Variants in GON4L observed in about 807,000 individuals in gnomAD.
GON4L encodes the protein GON-4-like protein.
Under a neutral mutation model 211.8 loss-of-function variants are expected in GON4L, and 87 were observed. That is an observed-to-expected ratio of 0.41 (90% confidence interval 0.35 to 0.49). GON4L has a LOEUF of 0.49. Ranked by LOEUF, GON4L falls within the 20% of genes least tolerant of loss-of-function variation. The pLI is 0.15. For missense variants in GON4L, 2,155 were observed against 2,659.5 expected, an observed-to-expected ratio of 0.81 and a Z score of 4.17; for synonymous variants, 875 against 962.6, an observed-to-expected ratio of 0.91 and a Z score of 1.68.
intron 19 of GON4L, among the ~76,000 whole-genome samples, chr1:155,769,206 C>T (rs1446608409): frequency 1.3e-5 from 2 of 151,988 alleles, no homozygotes; most frequent in Non-Finnish European, 2.9e-5. Flanking sequence ...GAACTCCTGG[C>T]CTCAGGTCAT....
chr1:155,757,119 A>G lies in GON4L; in HGVS notation c.5398-42T>C, dbSNP rs773405169. ...GCTGCTGAGCACAGACACCAGGCCA[A>G]TATCCCTCCCACGTGTGGCCTTCCC... is the stretch of plus-strand genomic sequence containing the variant. On this transcript the variant is annotated intron_variant, in intron 26 of 31. Coordinates refer to ENST00000368331, the MANE Select transcript of GON4L (RefSeq NM_001282860.2). 7 of 1,613,774 alleles carry G rather than the reference A, an allele frequency of 4.3e-6. No individual in the cohort carries two copies. In the African/African-American group the frequency reaches 5.3e-5, roughly 12 times the overall value.
chr1:155,852,166 A>C (rs1415070338), intron 2 of GON4L, among the ~76,000 whole-genome samples: 2 of 145,614 alleles, frequency 1.4e-5, no homozygotes, highest in Non-Finnish European at 1.5e-5. Flanking sequence ...CTGTCACAAA[A>C]AAAAAAAAAA....
At chr1:155,794,006 A>G (rs1439382634) in intron 12 of GON4L, among the ~76,000 whole-genome samples, 1 of 152,146 alleles carries the variant, frequency 6.6e-6, no homozygotes, top group Non-Finnish European at 1.5e-5. Flanking sequence ...AAATTAATAC[A>G]TTAAACTGGT....
chr1:155,799,322 T>C (rs1666406915), intron 11 of GON4L, among the ~76,000 whole-genome samples: 1 of 152,150 alleles, frequency 6.6e-6, no homozygotes, highest in Admixed American at 6.6e-5. Context: ...TAATCCTAGC[T>C]ACTAGGGAGG....
At position 155,853,553 on chromosome 1, in the gene GON4L, T is replaced by C; in HGVS notation, c.228A>G (p.Thr76=). 6.2e-7 allele frequency: 1 copy of C among 1,614,204 alleles called. No homozygotes were observed. The highest frequency in any genetic ancestry group is 1.3e-5 in the African/African-American group (1 of 75,062). The change falls in exon 2 of 32, where the codon ACA becomes ACG. Residue 76 remains threonine, a synonymous_variant. Coordinates refer to ENST00000368331, the MANE Select transcript of GON4L (RefSeq NM_001282860.2). ...DAGNQLGMED[T]SLSSGMLTQN... is the part of the protein sequence containing the mutation. The stretch of plus-strand genomic sequence containing the variant: ...GGGTGAGCATTCCAGAGCTCAGAGA[T>C]GTATCCTCCATACCAAGCTGATTTC...
chr1:155,806,720 A>G (rs1049975174), intron 10 of GON4L, among the ~76,000 whole-genome samples: 4 of 152,102 alleles, frequency 2.6e-5, no homozygotes, highest in African/African-American at 9.7e-5. Context: ...TTTTCACCCA[A>G]TAATATCCCA....
chr1:155,852,704 C>T (rs1299181693), intron 2 of GON4L, among the ~76,000 whole-genome samples: 1 of 152,142 alleles, frequency 6.6e-6, no homozygotes, highest in Non-Finnish European at 1.5e-5. Flanking sequence ...GACCACGCCA[C>T]TGCACCCTGG....
rs533094490 is a variant in GON4L at position 155,752,457 on chromosome 1, G to A, written c.5976C>T (p.Tyr1992=). The A allele has an allele frequency of 4.2e-4, 660 of 1,569,858 alleles. 4 individuals carry two copies. The South Asian group carries it at 4.9e-3, about 12-fold the overall frequency. ...GCCCAACCTGGTTTCTCTTAACAGTGTACAGTACAGCTCCAGTTGTGGGGG... is the reference window on the plus strand; with the variant it reads ...GCCCAACCTGGTTTCTCTTAACAGTATACAGTACAGCTCCAGTTGTGGGGG... ...QFPPTTGAVL[Y]TVKRNQVGPE... Residue 1992 remains tyrosine (Y), a synonymous_variant, in exon 30 of 32, where the codon TAC becomes TAT. Transcript: ENST00000368331.
At chr1:155,784,228 T>A (rs1386813270) in intron 13 of GON4L, 139 bp from the exon 14 acceptor site, 3 of 1,220,772 alleles carry the variant, frequency 2.5e-6, no homozygotes, top group Non-Finnish European at 3.5e-6. Context: ...TGTCAGAACT[T>A]TCTCACTTCA....
chr1:155,769,990 C>A (rs1476899444), intron 19 of GON4L, among the ~76,000 whole-genome samples: 4 of 131,586 alleles, frequency 3.0e-5, no homozygotes, highest in Non-Finnish European at 6.1e-5. Flanking sequence ...AAATTCGAGA[C>A]CAGCCTGGGC....
At chr1:155,756,417 G>A (rs1192952036) in intron 27 of GON4L, 2 of 152,460 alleles carry the variant, frequency 1.3e-5, no homozygotes, top group Non-Finnish European at 2.9e-5. Context: ...TTCTAACTAG[G>A]GAATCCTGGG....
At position 155,822,994 on chromosome 1, in the gene GON4L, C is replaced by T. The variant is rs553883876; in HGVS notation, c.698-518G>A. ...ATTTTTAGTAGAGATAGGGTTTCTC[C>T]ATGTTGGTCAGGCTGGTATTGAACT... On this transcript the variant is annotated intron_variant, in intron 3 of 31. Transcript: ENST00000368331. Among the ~76,000 whole-genome samples, 21 of 152,150 alleles carry T rather than the reference C, an allele frequency of 1.4e-4. No individual in the cohort carries two copies. In the East Asian group the frequency reaches 3.9e-3, roughly 28 times the overall value.
chr1:155,793,051 A>C (rs1239848185), intron 12 of GON4L, among the ~76,000 whole-genome samples: 1 of 152,086 alleles, frequency 6.6e-6, no homozygotes, highest in African/African-American at 2.4e-5. Flanking sequence ...GATTATAGCC[A>C]TGAGCCACTG....
chr1:155,800,850 GAAAA>G (rs751271183), intron 11 of GON4L, among the ~76,000 whole-genome samples: 2 of 49,034 alleles, frequency 4.1e-5, no homozygotes, highest in Non-Finnish European at 9.0e-5. Context: ...CTCTGTCTCA[GAAAA>G]AAAAAAAAAA....
chr1:155,853,383 T>G lies in GON4L; in HGVS notation c.398A>C (p.Lys133Thr), dbSNP rs1671991318. 6.2e-7 allele frequency: 1 copy of G among 1,614,156 alleles called. No homozygotes were observed. The highest frequency in any genetic ancestry group is 1.3e-5 in the African/African-American group (1 of 75,042). ...AACTGGCCCAGGCCTGAGTGTCATT[T>G]TTTTCCCTCTCTTTGAGCCAGTAGC... The part of the protein sequence containing the change: ...LHATGSKRGK[K>T]MTLRPGPVTQ... The change falls in exon 2 of 32, where the codon AAA (lysine) becomes ACA (threonine). Residue 133 changes from lysine (K) to threonine (T), a missense_variant. Around this residue, in one of 6 missense-constraint regions of GON4L, gnomAD observed 313 missense variants for 293.2 expected, o/e 1.07. Coordinates refer to ENST00000368331, the MANE Select transcript of GON4L (RefSeq NM_001282860.2).
chr1:155,753,710 G>T (rs1490835686), intron 28 of GON4L, among the ~76,000 whole-genome samples: 1 of 151,942 alleles, frequency 6.6e-6, no homozygotes, highest in Non-Finnish European at 1.5e-5. Context: ...ACAGAGACAG[G>T]GTCTCAGATG....
intron 14 of GON4L, among the ~76,000 whole-genome samples, chr1:155,778,768 A>C (rs997683544): frequency 6.6e-6 from 1 of 151,950 alleles, no homozygotes; most frequent in Non-Finnish European, 1.5e-5. Flanking sequence ...ATGTGTTCTC[A>C]TTGTTCAGCT....
chr1:155,851,699 A>C (rs984075102), intron 2 of GON4L, among the ~76,000 whole-genome samples: 1 of 148,026 alleles, frequency 6.8e-6, no homozygotes, highest in Admixed American at 6.7e-5. Context: ...CTGGGCGACA[A>C]AGCGAGACTC....
In GON4L at chr1:155,752,150, G is replaced by A. The variant is rs1660668065; in HGVS notation, c.6283C>T (p.His2095Tyr). 1.2e-6 allele frequency: 2 copies of A among 1,612,714 alleles called. No homozygotes were observed. Among genetic ancestry groups the A allele is most frequent in the Non-Finnish European group, 1.7e-6 (2 of 1,178,796 alleles). Reference sequence around the variant, plus strand: ...GTGTCAATTCCTGATGGAGATTCATGGACAGGGCACGTCCTGTCTCTTGTC... The same window carrying A: ...GTGTCAATTCCTGATGGAGATTCATAGACAGGGCACGTCCTGTCTCTTGTC... ...VKTRDRTCPV[H>Y]ESPSGIDTSE... Residue 2095 changes from histidine to tyrosine, a missense_variant, in exon 30 of 32, where the codon CAT (histidine) becomes TAT (tyrosine). By Grantham distance (83) the His-to-Tyr change is moderately conservative. Transcript: ENST00000368331.
Sources: allele counts gnomAD v4.1 joint callset (sites outside exome capture counted in the v4.1 genomes callset), GRCh38; gene constraint gnomAD v4.1.1; regional missense constraint gnomAD v4.1.1; transcripts MANE v1.5; gene names NCBI Gene and HGNC (gene_info 2026-07-23, HGNC 2026-07-21).